The following LRP5 variants were observed in gnomAD, a reference collection of about 807,000 sequenced individuals.
The protein encoded by LRP5 is LDL receptor related protein 5.
Under a neutral mutation model 154.1 loss-of-function variants are expected in LRP5, and 62 were observed. That is an observed-to-expected ratio of 0.40 (90% confidence interval 0.33 to 0.50). The LOEUF (loss-of-function observed/expected upper bound fraction) is 0.50. Ranked by LOEUF, LRP5 falls within the 20% of genes least tolerant of loss-of-function variation. LRP5 has a pLI of 0.55. For missense variants in LRP5, 1,915 were observed against 2,336.7 expected (o/e 0.82, Z 3.72); for synonymous variants, 966 against 1,011.5 (o/e 0.96, Z 0.85).
intron 5 of LRP5, among the ~76,000 whole-genome samples, chr11:68,373,630 A>G (rs2098635655): frequency 6.6e-6 from 1 of 152,206 alleles, no homozygotes; most frequent in Non-Finnish European, 1.5e-5. Flanking sequence ...CATCCCCAGC[A>G]GTCGAGTGCA....
intron 1 of LRP5, among the ~76,000 whole-genome samples, chr11:68,347,476 G>A (rs1440280560): frequency 1.3e-5 from 2 of 152,232 alleles, no homozygotes; most frequent in African/African-American, 2.4e-5. Context: ...GGCCAACAAA[G>A]GGGATGTGGC....
rs563532000 is a variant in LRP5 at position 68,379,395 on chromosome 11, A to G, written c.1016-6921A>G. On this transcript the variant is annotated intron_variant, in intron 5 of 22. Transcript: ENST00000294304. ...AGCTGCTGCTTCTGCCTGTGTTCTT[A>G]GAGAGGAAATGCTGGGGTCCGCGGT... Among the ~76,000 whole-genome samples the G allele has an allele frequency of 2.2e-4, 34 of 152,264 alleles. No homozygotes were observed. The South Asian group carries it at 6.8e-3, about 31-fold the overall frequency.
intron 1 of LRP5, among the ~76,000 whole-genome samples, chr11:68,317,642 C>G (rs2098594239): frequency 6.6e-6 from 1 of 152,236 alleles, no homozygotes; most frequent in South Asian, 2.1e-4. Context: ...GGGTGGCGCT[C>G]TGAGGTCCCT....
upstream of LRP5, among the ~76,000 whole-genome samples, chr11:68,310,349 C>G (rs4988328): frequency 0.13 from 19,223 of 152,098 alleles, 1,618 homozygotes; most frequent in African/African-American, 0.24. Context: ...CTACTAGAGA[C>G]AGGCTCATGC....
intron 1 of LRP5, among the ~76,000 whole-genome samples, chr11:68,341,059 CTTTTTTTT>C (rs576462333): frequency 2.4e-5 from 2 of 83,496 alleles, no homozygotes; most frequent in African/African-American, 4.8e-5. Context: ...GGAGATTGTT[CTTTTTTTT>C]TTTTTTTTTT....
intron 1 of LRP5, among the ~76,000 whole-genome samples, chr11:68,338,722 A>T (rs1386000170): frequency 1.3e-5 from 2 of 152,192 alleles, no homozygotes; most frequent in Non-Finnish European, 2.9e-5. Context: ...GATTAAACCA[A>T]CTGGGAATCC....
chr11:68,441,682 T>C (rs1258372019), intron 21 of LRP5, among the ~76,000 whole-genome samples: 1 of 152,198 alleles, frequency 6.6e-6, no homozygotes, highest in East Asian at 1.9e-4. Context: ...CCTTGGGAGC[T>C]GGGAGGATCT....
intron 5 of LRP5, among the ~76,000 whole-genome samples, chr11:68,378,612 T>C (rs1016709140): frequency 6.6e-6 from 1 of 152,090 alleles, no homozygotes; most frequent in Non-Finnish European, 1.5e-5. Context: ...TAAAATAACA[T>C]TTATACGTTC....
At chr11:68,319,406 T>C (rs1339487061) in intron 1 of LRP5, among the ~76,000 whole-genome samples, 2 of 152,064 alleles carry the variant, frequency 1.3e-5, no homozygotes, top group Non-Finnish European at 2.9e-5. Context: ...TTGAGATGGG[T>C]GTCTTGCTTT....
At chr11:68,298,683 G>C in the LRP5 span, among the ~76,000 whole-genome samples, 3 of 152,146 alleles carry the variant, frequency 2.0e-5, no homozygotes, top group African/African-American at 7.2e-5. Flanking sequence ...ACTCCTGCTA[G>C]AGCCTAGGGG....
chr11:68,336,843 C>T (rs1272620247), intron 1 of LRP5, among the ~76,000 whole-genome samples: 1 of 152,228 alleles, frequency 6.6e-6, no homozygotes, highest in African/African-American at 2.4e-5. Flanking sequence ...GCGTGAAGTT[C>T]AGTGGCATTA....
At position 68,341,059 on chromosome 11, in the gene LRP5, C is replaced by CTTTTT. The variant is rs576462333; in HGVS notation, c.92-6773_92-6769dup. On this transcript the variant is annotated intron_variant, in intron 1 of 22. Transcript: ENST00000294304. ...GTTACCCCTGCCGCTGGAGATTGTT[C>CTTTTT]TTTTTTTTTTTTTTTTTTTGCTATT... Among the ~76,000 whole-genome samples the CTTTTT allele has an allele frequency of 3.0e-4, 25 of 83,466 alleles. 1 individual carries two copies. Among genetic ancestry groups the CTTTTT allele is most frequent in the South Asian group, 1.1e-3 (3 of 2,784 alleles). 54.8% of individuals were successfully genotyped at this position (83,466 alleles called of 152,430 possible). A position where few individuals can be genotyped will look rare whatever the true frequency, so the allele number is the denominator to read the frequency against.
intron 7 of LRP5, among the ~76,000 whole-genome samples, chr11:68,394,042 C>A (rs960141243): frequency 2.6e-5 from 4 of 152,188 alleles, no homozygotes; most frequent in African/African-American, 9.7e-5. Flanking sequence ...ACCCCACAGC[C>A]GACCAAGCTC....
intron 5 of LRP5, among the ~76,000 whole-genome samples, chr11:68,370,670 G>A (rs1172968637): frequency 6.6e-6 from 1 of 152,208 alleles, no homozygotes; most frequent in Non-Finnish European, 1.5e-5. Context: ...CTAGTCTTGT[G>A]GGAACTGTTT....
Position 68,423,373 on chromosome 11 carries a change from GCCAGTGCCCGGGGGTCTCCA to G in LRP5, c.3028-96_3028-77del, listed in dbSNP as rs1197123793. The G allele has an allele frequency of 2.1e-5, 20 of 930,460 alleles. No individual in the cohort carries two copies. The highest frequency in any genetic ancestry group is 6.5e-5 in the South Asian group (5 of 76,686). The allele number at this position is 930,460 out of a possible 1,614,324, so 57.6% of individuals were successfully genotyped here. ...TCCAGCCAGTGCCCAGGGCTCTCCA[GCCAGTGCCCGGGGGTCTCCA>G]CCAGTGCCCGGGGGTCTCCGCCAGT... On this transcript the variant is annotated intron_variant, in intron 13 of 22. Coordinates refer to ENST00000294304, the MANE Select transcript of LRP5 (RefSeq NM_002335.4). The surrounding 1 kb of genome is among the most constrained non-coding windows in gnomAD (Gnocchi z 4.7).
At chr11:68,411,082 T>C (rs1406399749) in intron 10 of LRP5, among the ~76,000 whole-genome samples, 3 of 152,170 alleles carry the variant, frequency 2.0e-5, no homozygotes, top group African/African-American at 7.2e-5. Context: ...GTGATGTGCT[T>C]GTGTCCATCC....
Position 68,344,849 on chromosome 11 carries a change from C to CTTTTTTTTTT in LRP5, c.92-2977_92-2968dup, listed in dbSNP as rs58477287. Among the ~76,000 whole-genome samples the CTTTTTTTTTT allele has an allele frequency of 2.0e-4, 13 of 65,574 alleles. 1 individual carries two copies. The highest frequency in any genetic ancestry group is 3.7e-4 in the African/African-American group (6 of 16,210). The allele number at this position is 65,574 out of a possible 152,430, so 43.0% of individuals were successfully genotyped here. ...TTGTAGCATGTGTCAGAATCTCTCT[C>CTTTTTTTTTT]TTTTTTTTTTTTTTTTTTTTTTTTT... On this transcript the variant is annotated intron_variant, in intron 1 of 22. Coordinates refer to ENST00000294304, the MANE Select transcript of LRP5 (RefSeq NM_002335.4).
intron 21 of LRP5, 112 bp downstream of exon 21, chr11:68,440,028 C>T: frequency 1.1e-6 from 1 of 890,514 alleles, no homozygotes. Context: ...GCCACCGCCT[C>T]TGAGGCATGC....
In LRP5 at chr11:68,447,682, A is replaced by G. The variant is rs1440967801; in HGVS notation, c.4587-1127A>G. Among the ~76,000 whole-genome samples the G allele has an allele frequency of 1.3e-5, 2 of 152,084 alleles. No homozygotes were observed. The highest frequency in any genetic ancestry group is 2.9e-5 in the Non-Finnish European group (2 of 68,000). On this transcript the variant is annotated intron_variant, in intron 22 of 22. Transcript: ENST00000294304. The surrounding 1 kb of genome is among the most constrained non-coding windows in gnomAD (Gnocchi z 4.3). Reference sequence around the variant, plus strand: ...CCCCCCGCCCGCCGTCTGACCTCACAGCAGCTGGGCCCCAAGAGGAGTATC... The same window carrying G: ...CCCCCCGCCCGCCGTCTGACCTCACGGCAGCTGGGCCCCAAGAGGAGTATC...
Sources: gnomAD v4.1 joint callset for allele counts (sites outside exome capture counted in the v4.1 genomes callset) on GRCh38, gnomAD v4.1.1 for gene constraint, Gnocchi (gnomAD v3.1) non-coding constraint, MANE v1.5 for transcripts, NCBI Gene and HGNC (gene_info 2026-07-23, HGNC 2026-07-21) for gene names.